The following XRCC4 variants were observed in gnomAD, a reference collection of about 807,000 sequenced individuals.
XRCC4 encodes the protein DNA repair protein XRCC4.
In XRCC4, 28 loss-of-function variants were observed where a neutral mutation model predicts 39.1. The observed-to-expected ratio is 0.72, with a 90% CI of 0.53 to 0.98. XRCC4 has a LOEUF of 0.98. XRCC4 is among the 50% of genes least tolerant of loss of function. The probability of loss-of-function intolerance (pLI) is 0.00; values close to 1 mark genes in which losing one functional copy is unlikely to be tolerated. For synonymous variants in XRCC4, 123 were observed against 126.4 expected, an observed-to-expected ratio of 0.97 and a Z score of 0.18; for missense variants, 350 against 376.4, an observed-to-expected ratio of 0.93 and a Z score of 0.58.
At chr5:83,206,842 A>G (rs1751441677) in intron 6 of XRCC4, among the ~76,000 whole-genome samples, 2 of 152,234 alleles carry the variant, frequency 1.3e-5, no homozygotes, top group South Asian at 2.1e-4. Flanking sequence ...AGCCAGGAGC[A>G]TAGTCACTCC....
chr5:83,142,610 C>T (rs1231120894), intron 3 of XRCC4, among the ~76,000 whole-genome samples: 1 of 152,168 alleles, frequency 6.6e-6, no homozygotes, highest in African/African-American at 2.4e-5. Flanking sequence ...AGAAATTGAA[C>T]ATCCACATGG....
chr5:83,219,811 A>G (rs1752010679), intron 6 of XRCC4, among the ~76,000 whole-genome samples: 1 of 152,200 alleles, frequency 6.6e-6, no homozygotes, highest in Non-Finnish European at 1.5e-5. Context: ...TTTTGAGTAT[A>G]TTTAGTTAAA....
At chr5:83,318,125 G>T (rs2112119187) in intron 7 of XRCC4, among the ~76,000 whole-genome samples, 1 of 146,272 alleles carries the variant, frequency 6.8e-6, no homozygotes, top group African/African-American at 2.8e-5. Flanking sequence ...CTCAATAGTT[G>T]CAGAAAAAGC....
chr5:83,287,672 A>AT (rs1009813148), intron 7 of XRCC4, among the ~76,000 whole-genome samples: 4 of 151,644 alleles, frequency 2.6e-5, no homozygotes, highest in Admixed American at 6.6e-5. Flanking sequence ...AAAATGTGTA[A>AT]TTTTTTTTAC....
intron 7 of XRCC4, among the ~76,000 whole-genome samples, chr5:83,303,557 T>C (rs906283611): frequency 6.6e-6 from 1 of 152,116 alleles, no homozygotes; most frequent in African/African-American, 2.4e-5. Flanking sequence ...TTACAATTCT[T>C]CCAAATTGTA....
At chr5:83,296,106 C>T (rs746340984) in intron 7 of XRCC4, among the ~76,000 whole-genome samples, 1 of 152,092 alleles carries the variant, frequency 6.6e-6, no homozygotes, top group Non-Finnish European at 1.5e-5. Context: ...TTTTCTTCCT[C>T]GTCTCTCCTT....
At chr5:83,369,044 C>G in the XRCC4 span, among the ~76,000 whole-genome samples, 2 of 152,154 alleles carry the variant, frequency 1.3e-5, no homozygotes, top group Non-Finnish European at 2.9e-5. Context: ...AGAAACGTTA[C>G]TAGCATTAAG....
chr5:83,081,885 T>TCG (rs1744956244), intron 1 of XRCC4, among the ~76,000 whole-genome samples: 1 of 152,198 alleles, frequency 6.6e-6, no homozygotes, highest in Non-Finnish European at 1.5e-5. Context: ...TGAACTCAGA[T>TCG]GTCCCAGACC....
the XRCC4 span, among the ~76,000 whole-genome samples, chr5:83,358,796 A>C: frequency 1.3e-5 from 2 of 152,230 alleles, no homozygotes; most frequent in Non-Finnish European, 2.9e-5. Flanking sequence ...AGACCCTTCT[A>C]GGAATCTGTC....
chr5:83,305,960 G>T (rs1231549000), intron 7 of XRCC4, among the ~76,000 whole-genome samples: 1 of 152,152 alleles, frequency 6.6e-6, no homozygotes, highest in Non-Finnish European at 1.5e-5. Context: ...CACCAAAGAT[G>T]TTACATTTTG....
At chr5:83,255,017 G>A (rs937694886) in intron 6 of XRCC4, among the ~76,000 whole-genome samples, 7 of 151,194 alleles carry the variant, frequency 4.6e-5, no homozygotes, top group South Asian at 2.1e-4. Context: ...AACCCAGGAG[G>A]CAGAGGTTGC....
At chr5:83,181,545 A>G (rs1254067422) in intron 3 of XRCC4, among the ~76,000 whole-genome samples, 1 of 152,148 alleles carries the variant, frequency 6.6e-6, no homozygotes, top group African/African-American at 2.4e-5. Flanking sequence ...GTCTTTAAGC[A>G]TCTGCATGCC....
At chr5:83,366,273 G>A in the XRCC4 span, among the ~76,000 whole-genome samples, 1 of 152,090 alleles carries the variant, frequency 6.6e-6, no homozygotes, top group East Asian at 1.9e-4. Flanking sequence ...AGAACCATGA[G>A]CCAAATAAAT....
At chr5:83,209,470 A>G (rs1309233945) in intron 6 of XRCC4, among the ~76,000 whole-genome samples, 2 of 152,138 alleles carry the variant, frequency 1.3e-5, no homozygotes, top group Non-Finnish European at 2.9e-5. Flanking sequence ...TGTGAAAACA[A>G]TTTTAAAATA....
At chr5:83,371,386 G>A in the XRCC4 span, among the ~76,000 whole-genome samples, 1 of 152,118 alleles carries the variant, frequency 6.6e-6, no homozygotes, top group African/African-American at 2.4e-5. Flanking sequence ...CAAGAACCCA[G>A]TCTTTCTTTT....
chr5:83,112,096 G>A (rs1184713807), intron 3 of XRCC4, among the ~76,000 whole-genome samples: 2 of 151,996 alleles, frequency 1.3e-5, no homozygotes, highest in Non-Finnish European at 2.9e-5. Flanking sequence ...TTATCGTGTA[G>A]GGAATAATGC....
chr5:83,137,370 G>C (rs917849176), intron 3 of XRCC4, among the ~76,000 whole-genome samples: 1 of 152,150 alleles, frequency 6.6e-6, no homozygotes, highest in Non-Finnish European at 1.5e-5. Flanking sequence ...TAGTCTAGTT[G>C]TGTTCACACC....
At chr5:83,102,052 A>G (rs917617581) in intron 1 of XRCC4, among the ~76,000 whole-genome samples, 1 of 152,142 alleles carries the variant, frequency 6.6e-6, no homozygotes, top group Non-Finnish European at 1.5e-5. Flanking sequence ...CACAACCCCT[A>G]TCACTCTCAC....
chr5:83,118,582 A>G (rs1459615307), intron 3 of XRCC4, among the ~76,000 whole-genome samples: 1 of 152,196 alleles, frequency 6.6e-6, no homozygotes, highest in Non-Finnish European at 1.5e-5. Context: ...GACAGGAAAT[A>G]ATATGTGCTT....
Sources: allele counts gnomAD v4.1 joint callset (sites outside exome capture counted in the v4.1 genomes callset), GRCh38; gene constraint gnomAD v4.1.1; transcripts MANE v1.5; gene names NCBI Gene and HGNC (gene_info 2026-07-23, HGNC 2026-07-21).